The following KDM2A variants were observed in gnomAD, a reference collection of about 807,000 sequenced individuals.
KDM2A encodes lysine-specific demethylase 2A.
A neutral mutation model predicts 137.3 loss-of-function variants in KDM2A; 3 were observed. The ratio of observed to expected loss-of-function variants is 0.02; its 90% confidence interval spans 0.01 to 0.06. KDM2A has a LOEUF of 0.06. Ranked by LOEUF, KDM2A falls within the 10% of genes least tolerant of loss-of-function variation. The probability of loss-of-function intolerance (pLI) is 1.00; values close to 1 mark genes in which losing one functional copy is unlikely to be tolerated. For synonymous variants in KDM2A, 512 were observed against 541.5 expected, an observed-to-expected ratio of 0.95 and a Z score of 0.76; for missense variants, 738 against 1,510.6, an observed-to-expected ratio of 0.49 and a Z score of 8.48.
intron 2 of KDM2A, among the ~76,000 whole-genome samples, chr11:67,123,599 C>G (rs1469589158): frequency 1.3e-5 from 2 of 151,902 alleles, no homozygotes; most frequent in Non-Finnish European, 2.9e-5. Flanking sequence ...TTTATCATGT[C>G]AAGTTGTTAG....
At chr11:67,239,173 T>C (rs1197191497) in intron 12 of KDM2A, among the ~76,000 whole-genome samples, 1 of 152,198 alleles carries the variant, frequency 6.6e-6, no homozygotes, top group Non-Finnish European at 1.5e-5. Context: ...ACTGGTATTC[T>C]GAGGGTAGGA....
intron 2 of KDM2A, among the ~76,000 whole-genome samples, chr11:67,147,890 G>A (rs1856292104): frequency 6.6e-6 from 1 of 151,862 alleles, no homozygotes; most frequent in Admixed American, 6.6e-5. Flanking sequence ...TGTTGGCCAG[G>A]CTGTTCTGGA....
chr11:67,197,050 T>C (rs951394317), intron 5 of KDM2A: 1 of 152,590 alleles, frequency 6.6e-6, no homozygotes, highest in Non-Finnish European at 1.5e-5. Context: ...CTAATAATGA[T>C]CTTTGGAAGC....
chr11:67,129,958 ATTCT>A (rs1239759394), intron 2 of KDM2A, among the ~76,000 whole-genome samples: 1 of 149,454 alleles, frequency 6.7e-6, no homozygotes, highest in African/African-American at 2.5e-5. Flanking sequence ...AAGCTCTCCT[ATTCT>A]TTTTTTTTTT....
At chr11:67,215,295 C>A in intron 6 of KDM2A, 45 bp from the exon 7 acceptor site, 1 of 1,299,194 alleles carries the variant, frequency 7.7e-7, no homozygotes. Context: ...TCTTTGACCC[C>A]AACCTTTCCC....
At chr11:67,246,271 A>G (rs776191813) in intron 15 of KDM2A, among the ~76,000 whole-genome samples, 155 bp downstream of exon 15, 3 of 152,194 alleles carry the variant, frequency 2.0e-5, no homozygotes, top group African/African-American at 7.2e-5. Context: ...CCCTTGATTC[A>G]TATATGTACA....
chr11:67,158,327 AT>A (rs1565382308), intron 2 of KDM2A, among the ~76,000 whole-genome samples: 1 of 152,126 alleles, frequency 6.6e-6, no homozygotes, highest in Non-Finnish European at 1.5e-5. Flanking sequence ...TCATTTACCT[AT>A]TGAAGGACAT....
At chr11:67,243,824 A>G (rs1859123339) in intron 13 of KDM2A, 1 of 152,266 alleles carries the variant, frequency 6.6e-6, no homozygotes, top group Non-Finnish European at 1.5e-5. Flanking sequence ...AAAGAAAAAA[A>G]AAGAAGAAGA....
At chr11:67,235,781 A>G (rs1858854450) in intron 12 of KDM2A, among the ~76,000 whole-genome samples, 1 of 149,082 alleles carries the variant, frequency 6.7e-6, no homozygotes, top group African/African-American at 2.5e-5. Context: ...CCACCACTCC[A>G]GCTAATTTTT....
Position 67,245,958 on chromosome 11 carries a change from T to C in KDM2A, c.1834-27T>C, listed in dbSNP as rs762602197. ...ATGATAAAGATCTGAGTCAGTTCTCTTGGATTCTATCTTTGTCCTCTTGTA... is the reference window on the plus strand; with the variant it reads ...ATGATAAAGATCTGAGTCAGTTCTCCTGGATTCTATCTTTGTCCTCTTGTA... On this transcript the variant is annotated intron_variant, in intron 14 of 20. Transcript: ENST00000529006. This position sits in a 1 kb window ranked among gnomAD's most constrained non-coding sequence, Gnocchi z 4.1. The C allele has an allele frequency of 3.1e-6, 5 of 1,612,916 alleles. No homozygotes were observed. The South Asian group carries it at 5.5e-5, about 18-fold the overall frequency.
At chr11:67,194,278 G>A (rs537780750) in intron 5 of KDM2A, among the ~76,000 whole-genome samples, 1 of 152,208 alleles carries the variant, frequency 6.6e-6, no homozygotes, top group African/African-American at 2.4e-5. Flanking sequence ...CCCAAACTGG[G>A]GGAGGGTGGT....
intron 8 of KDM2A, among the ~76,000 whole-genome samples, chr11:67,216,864 G>A (rs1159011686): frequency 6.6e-6 from 1 of 152,036 alleles, no homozygotes; most frequent in African/African-American, 2.4e-5. Flanking sequence ...AGGTTGCGGT[G>A]AGCTGAGATC....
At chr11:67,215,640 A>G (rs1476646495) in intron 7 of KDM2A, 194 bp downstream of exon 7, 14 of 620,660 alleles carry the variant, frequency 2.3e-5, no homozygotes, top group Non-Finnish European at 3.4e-5. Context: ...ACACAGTTAA[A>G]GGAAAAAAAA....
intron 2 of KDM2A, among the ~76,000 whole-genome samples, chr11:67,162,696 G>A (rs994645152): frequency 6.6e-6 from 1 of 151,334 alleles, no homozygotes; most frequent in Non-Finnish European, 1.5e-5. Flanking sequence ...ATGAGCCACC[G>A]CGCCCGGCCT....
chr11:67,167,077 C>CA (rs949847873), intron 2 of KDM2A, among the ~76,000 whole-genome samples: 3 of 150,656 alleles, frequency 2.0e-5, no homozygotes, highest in East Asian at 1.9e-4. Flanking sequence ...GACTCTGCCT[C>CA]AAAAAAAAAT....
chr11:67,158,943 C>T (rs1441278818), intron 2 of KDM2A, among the ~76,000 whole-genome samples: 8 of 152,052 alleles, frequency 5.3e-5, no homozygotes, highest in African/African-American at 1.5e-4. Flanking sequence ...ATGTGTTTTG[C>T]GCATTTCTCC....
At chr11:67,169,748 TCTCTCTC>T (rs1856835720) in intron 2 of KDM2A, among the ~76,000 whole-genome samples, 1 of 51,750 alleles carries the variant, frequency 1.9e-5, no homozygotes, top group African/African-American at 3.1e-5. Flanking sequence ...TCTCTCTCTC[TCTCTCTC>T]TCTCTTTTTT....
At chr11:67,130,590 A>G (rs182465787) in intron 2 of KDM2A, among the ~76,000 whole-genome samples, 1 of 152,304 alleles carries the variant, frequency 6.6e-6, no homozygotes. Context: ...GAATTGATAC[A>G]TTATGTATAT....
intron 5 of KDM2A, among the ~76,000 whole-genome samples, chr11:67,205,771 C>T (rs569124207): frequency 2.0e-5 from 3 of 152,152 alleles, no homozygotes; most frequent in South Asian, 2.1e-4. Context: ...TGTGCACCAC[C>T]GTGCCCGGCC....
Sources: allele counts gnomAD v4.1 joint callset (sites outside exome capture counted in the v4.1 genomes callset), GRCh38; gene constraint gnomAD v4.1.1; non-coding constraint Gnocchi (gnomAD v3.1); transcripts MANE v1.5; gene names NCBI Gene and HGNC (gene_info 2026-07-23, HGNC 2026-07-21).